The following SH3PXD2A variants were observed in gnomAD, a reference collection of about 807,000 sequenced individuals.
SH3PXD2A encodes the protein SH3 and PX domain-containing protein 2A.
In SH3PXD2A, 32 loss-of-function variants were observed where a neutral mutation model predicts 115.2. The observed-to-expected ratio is 0.28, with a 90% CI of 0.21 to 0.37. The LOEUF (loss-of-function observed/expected upper bound fraction) is 0.37, where lower values mean the gene tolerates loss of function less well. Among genes scored for constraint, SH3PXD2A ranks in the 10% least tolerant of loss-of-function variants. The pLI, the probability that SH3PXD2A is intolerant of heterozygous loss-of-function variation, is 1.00. For synonymous variants in SH3PXD2A, 610 were observed against 629.1 expected (o/e 0.97, Z 0.45); for missense variants, 1,328 against 1,498.7 (o/e 0.89, Z 1.88).
intron 1 of SH3PXD2A, among the ~76,000 whole-genome samples, chr10:103,847,723 G>A (rs1447122400): frequency 2.0e-5 from 3 of 152,192 alleles, no homozygotes; most frequent in Non-Finnish European, 4.4e-5. Flanking sequence ...TGGATCACCT[G>A]AGGTCAGGAG....
rs2038958629 is a variant in SH3PXD2A, at chr10:103,784,173, G to T, written c.154-17004C>A. Among the ~76,000 whole-genome samples the T allele has an allele frequency of 6.6e-6, 1 of 152,250 alleles. No individual in the cohort carries two copies. Among genetic ancestry groups the T allele is most frequent in the South Asian group, 2.1e-4 (1 of 4,834 alleles). ...AGTGCAGGGAGAGAAGATGCTGGCT[G>T]CTCGGGGGTTGCTGGGGCACCTGTG... On this transcript the variant is annotated intron_variant, in intron 2 of 14. Coordinates refer to ENST00000369774, the MANE Select transcript of SH3PXD2A (RefSeq NM_001394015.1). This position sits in a 1 kb window ranked among gnomAD's most constrained non-coding sequence, Gnocchi z 4.4.
At chr10:103,621,186 C>T (rs1592266929) in intron 10 of SH3PXD2A, among the ~76,000 whole-genome samples, 1 of 152,126 alleles carries the variant, frequency 6.6e-6, no homozygotes, top group East Asian at 1.9e-4. Context: ...GTTTGGGGCT[C>T]AGTGTGCAAG....
chr10:103,663,099 C>T (rs1004665025), intron 7 of SH3PXD2A, among the ~76,000 whole-genome samples: 1 of 152,262 alleles, frequency 6.6e-6, no homozygotes, highest in Non-Finnish European at 1.5e-5. Flanking sequence ...GCCACTGCGA[C>T]TGGCATAAAC....
intron 2 of SH3PXD2A, among the ~76,000 whole-genome samples, chr10:103,778,648 T>C (rs947531117): frequency 6.6e-6 from 1 of 152,260 alleles, no homozygotes; most frequent in East Asian, 1.9e-4. Flanking sequence ...TTACCGTGAG[T>C]GCTAGATGAA....
chr10:103,619,012 C>T (rs976181055), intron 10 of SH3PXD2A, among the ~76,000 whole-genome samples: 13 of 152,144 alleles, frequency 8.5e-5, no homozygotes, highest in Non-Finnish European at 1.8e-4. Context: ...TGATGGGCTA[C>T]TAGCCAAATT....
chr10:103,692,993 A>G, intron 6 of SH3PXD2A, 35 bp downstream of exon 6: 1 of 1,577,780 alleles, frequency 6.3e-7, no homozygotes, highest in Non-Finnish European at 8.7e-7. Context: ...AGCGGGAAGG[A>G]AGGCTGAAGG....
intron 1 of SH3PXD2A, among the ~76,000 whole-genome samples, chr10:103,814,591 C>G (rs2039304812): frequency 6.6e-6 from 1 of 152,160 alleles, no homozygotes; most frequent in Admixed American, 6.5e-5. Flanking sequence ...GGACGAGTGA[C>G]CACCTGTGAC....
intron 8 of SH3PXD2A, among the ~76,000 whole-genome samples, chr10:103,655,286 A>G (rs962765123): frequency 6.6e-6 from 1 of 152,202 alleles, no homozygotes; most frequent in Non-Finnish European, 1.5e-5. Flanking sequence ...AGAAATAAGC[A>G]TGTTAGTTCA....
intron 6 of SH3PXD2A, among the ~76,000 whole-genome samples, chr10:103,691,196 C>T (rs866229906): frequency 9.2e-5 from 14 of 152,318 alleles, no homozygotes; most frequent in Middle Eastern, 3.4e-3. Context: ...GGAGGCAGGA[C>T]TAGGTCCCAG....
At chr10:103,796,692 C>T (rs1401402402) in intron 2 of SH3PXD2A, among the ~76,000 whole-genome samples, 1 of 152,156 alleles carries the variant, frequency 6.6e-6, no homozygotes, top group Non-Finnish European at 1.5e-5. Flanking sequence ...CGGAGCCAGC[C>T]TGGACTCTCA....
At chr10:103,764,275 T>C (rs1446562850) in intron 3 of SH3PXD2A, among the ~76,000 whole-genome samples, 1 of 152,076 alleles carries the variant, frequency 6.6e-6, no homozygotes, top group African/African-American at 2.4e-5. Context: ...AGGGTTAAGG[T>C]AGTTTCTAGT....
At chr10:103,789,516 A>G (rs1008920661) in intron 2 of SH3PXD2A, among the ~76,000 whole-genome samples, 1 of 149,160 alleles carries the variant, frequency 6.7e-6, no homozygotes, top group Non-Finnish European at 1.5e-5. Context: ...GAAGCTTCAC[A>G]GGGTGTGTAT....
At chr10:103,843,588 C>T (rs1842805998) in intron 1 of SH3PXD2A, among the ~76,000 whole-genome samples, 1 of 152,198 alleles carries the variant, frequency 6.6e-6, no homozygotes, top group Non-Finnish European at 1.5e-5. Context: ...CTATAGCAAG[C>T]TTGTTATCAT....
In SH3PXD2A at chr10:103,601,848, C is replaced by T; in HGVS notation, c.3370G>A (p.Val1124Met). The T allele has an allele frequency of 6.2e-7, 1 of 1,611,458 alleles. No homozygotes were observed. The highest frequency in any genetic ancestry group is 8.5e-7 in the Non-Finnish European group (1 of 1,178,608). The change falls in exon 15 of 15, where the codon GTG becomes ATG. Residue 1124 changes from valine (V) to methionine (M), a missense_variant. Around this residue, in one of 5 missense-constraint regions of SH3PXD2A, gnomAD observed 45 missense variants for 73.6 expected, o/e 0.61. Coordinates refer to ENST00000369774, the MANE Select transcript of SH3PXD2A (RefSeq NM_001394015.1). Reference sequence around the variant, plus strand: ...TTTTTCTCAAGGTAGTTGGAAGGCACCCAGCCTTTGAAGGGCTTCACACCA... The same window carrying T: ...TTTTTCTCAAGGTAGTTGGAAGGCATCCAGCCTTTGAAGGGCTTCACACCA... The part of the protein sequence containing the change: ...LDGVKPFKGW[V>M]PSNYLEKKN
At chr10:103,657,263 G>C (rs1037312085) in intron 8 of SH3PXD2A, among the ~76,000 whole-genome samples, 3 of 131,164 alleles carry the variant, frequency 2.3e-5, no homozygotes, top group African/African-American at 9.0e-5. Context: ...TCTTCCCCTG[G>C]CCTGCAGTCC....
rs1315959324 is a variant in SH3PXD2A at position 103,612,964 on chromosome 10, G to A, written c.1147C>T (p.Leu383Phe). Residue 383 changes from leucine (L) to phenylalanine (F), a missense_variant, in exon 12 of 15, where the codon CTC (leucine) becomes TTC (phenylalanine). Physicochemically the swap from Leu to Phe is conservative, Grantham distance 22. Around this residue, in one of 5 missense-constraint regions of SH3PXD2A, gnomAD observed 509 missense variants for 628.3 expected, o/e 0.81. Transcript: ENST00000369774. ...IAKKEISLPI[L>F]CNASNGSAVG... Reference sequence around the variant, plus strand: ...GCACTGCCATTGGAGGCATTGCAGAGGATGGGCAGGCTGATCTCCTTCTTG... The same window carrying A: ...GCACTGCCATTGGAGGCATTGCAGAAGATGGGCAGGCTGATCTCCTTCTTG... 1.2e-6 allele frequency: 2 copies of A among 1,614,110 alleles called. No homozygotes were observed. The highest frequency in any genetic ancestry group is 1.1e-5 in the South Asian group (1 of 91,094).
chr10:103,842,010 A>G (rs2039603880), intron 1 of SH3PXD2A, among the ~76,000 whole-genome samples: 2 of 151,990 alleles, frequency 1.3e-5, no homozygotes, highest in Middle Eastern at 3.4e-3. Context: ...CTGTAGTCCC[A>G]GCTACTCGGG....
chr10:103,713,535 T>C (rs1442960047), intron 5 of SH3PXD2A, among the ~76,000 whole-genome samples: 1 of 152,156 alleles, frequency 6.6e-6, no homozygotes. Context: ...TGAAACACAA[T>C]CTCAGGGACT....
At chr10:103,773,224 CAAA>C (rs386372322) in intron 2 of SH3PXD2A, among the ~76,000 whole-genome samples, 13 of 114,860 alleles carry the variant, frequency 1.1e-4, no homozygotes, top group African/African-American at 1.9e-4. Flanking sequence ...AACTCTGTCT[CAAA>C]AAAAAAAAAA....
Sources: gnomAD v4.1 joint callset for allele counts (sites outside exome capture counted in the v4.1 genomes callset) on GRCh38, gnomAD v4.1.1 for gene constraint, gnomAD v4.1.1 regional missense constraint, Gnocchi (gnomAD v3.1) non-coding constraint, MANE v1.5 for transcripts, NCBI Gene and HGNC (gene_info 2026-07-23, HGNC 2026-07-21) for gene names.